USH2A: variants seen among roughly 807,000 people sequenced by gnomAD.
USH2A encodes the protein Usher syndrome 2A (autosomal recessive, mild).
Under a neutral mutation model 538.9 loss-of-function variants are expected in USH2A, and 443 were observed. The observed-to-expected ratio is 0.82, with a 90% CI of 0.76 to 0.89. The LOEUF (loss-of-function observed/expected upper bound fraction) is 0.89, where lower values mean the gene tolerates loss of function less well. USH2A is among the 40% of genes least tolerant of loss of function. The pLI, the probability that USH2A is intolerant of heterozygous loss-of-function variation, is 0.00. For missense variants in USH2A, 6,633 were observed against 6,324.8 expected (o/e 1.05, Z -1.65); for synonymous variants, 2,413 against 2,273.5 (o/e 1.06, Z -1.75).
rs564583897 is a variant in USH2A, at chr1:216,211,873, C to T, written c.3158-4442G>A. Among the ~76,000 whole-genome samples, 12 of 152,090 alleles carry T rather than the reference C, an allele frequency of 7.9e-5. No homozygotes were observed. The South Asian group carries it at 2.5e-3, about 32-fold the overall frequency. ...GGATTTTAATTTAGGGTTTTAAATCCTGTTGTTCTTGGTGGAGCCACAAAT... is the reference window on the plus strand; with the variant it reads ...GGATTTTAATTTAGGGTTTTAAATCTTGTTGTTCTTGGTGGAGCCACAAAT... On this transcript the variant is annotated intron_variant, in intron 15 of 71. Coordinates refer to ENST00000307340, the MANE Select transcript of USH2A (RefSeq NM_206933.4).
chr1:216,245,043 T>C (rs1250090039), intron 13 of USH2A, among the ~76,000 whole-genome samples: 4 of 152,208 alleles, frequency 2.6e-5, no homozygotes, highest in African/African-American at 9.6e-5. Flanking sequence ...GAGATATTGA[T>C]AAACACTAAA....
chr1:216,324,746 G>T (rs1475005147), intron 6 of USH2A, among the ~76,000 whole-genome samples: 1 of 151,910 alleles, frequency 6.6e-6, no homozygotes, highest in African/African-American at 2.4e-5. Flanking sequence ...CAAACATAAG[G>T]TCCTACATGT....
chr1:216,008,446 T>G (rs2102489872), intron 32 of USH2A, among the ~76,000 whole-genome samples: 1 of 152,144 alleles, frequency 6.6e-6, no homozygotes, highest in Middle Eastern at 3.4e-3. Flanking sequence ...CCTATCTCCC[T>G]TCGCTGACTC....
Position 215,782,812 on chromosome 1 carries a change from G to T in USH2A, c.10511C>A (p.Pro3504His). ...ATTGTCTATTTTGGTCCACGTAGGG[G>T]GACTCACTCCTTGAGGCACATCTTC... The part of the protein sequence containing the change: ...TKEDVPQGVS[P>H]PTWTKIDNLE... Residue 3504 changes from proline (P) to histidine (H), a missense_variant, in exon 53 of 72, where the codon CCC (proline) becomes CAC (histidine). Pro to His is a moderately conservative substitution (Grantham distance 77, BLOSUM62 -2). Transcript: ENST00000307340. 1.2e-6 allele frequency: 2 copies of T among 1,613,936 alleles called. No homozygotes were observed. The highest frequency in any genetic ancestry group is 8.5e-7 in the Non-Finnish European group (1 of 1,179,920).
At chr1:215,688,158 A>C (rs1426583394) in intron 61 of USH2A, among the ~76,000 whole-genome samples, 1 of 151,074 alleles carries the variant, frequency 6.6e-6, no homozygotes, top group Non-Finnish European at 1.5e-5. Flanking sequence ...GCAGAAAAAC[A>C]CCATCTGTGT....
intron 63 of USH2A, among the ~76,000 whole-genome samples, chr1:215,673,564 CA>C (rs1482340264): frequency 6.6e-6 from 1 of 152,156 alleles, no homozygotes; most frequent in Admixed American, 6.5e-5. Context: ...AGCAAAGTGG[CA>C]CTGTCCTGAG....
chr1:216,378,537 T>G (rs2038876735), intron 3 of USH2A, among the ~76,000 whole-genome samples: 1 of 152,170 alleles, frequency 6.6e-6, no homozygotes, highest in South Asian at 2.1e-4. Flanking sequence ...GTCTTTACTG[T>G]CAGATCTCAG....
At position 216,246,947 on chromosome 1, in the gene USH2A, ATGCACTGCCCTG is replaced by A. The variant is rs757082108; in HGVS notation, c.2435_2446del (p.Thr812_Cys815del). On this transcript the variant is annotated inframe_deletion, in exon 13 of 72. Coordinates refer to ENST00000307340, the MANE Select transcript of USH2A (RefSeq NM_206933.4). ...TCTCCCTTCAACATTGGGCTTGCAG[ATGCACTGCCCTG>A]TCTTAGCATTACAGACAGTCCCAGG... is the stretch of plus-strand genomic sequence containing the variant. 6 of 1,614,118 alleles carry A rather than the reference ATGCACTGCCCTG, an allele frequency of 3.7e-6. No homozygotes were observed. Among genetic ancestry groups the A allele is most frequent in the African/African-American group, 1.3e-5 (1 of 75,068 alleles).
intron 4 of USH2A, among the ~76,000 whole-genome samples, chr1:216,349,358 G>T (rs1052049860): frequency 1.3e-5 from 2 of 152,050 alleles, no homozygotes; most frequent in African/African-American, 4.8e-5. Flanking sequence ...TTTTGAACCA[G>T]AGCAACTCCA....
intron 11 of USH2A, among the ~76,000 whole-genome samples, chr1:216,280,031 A>G (rs538142631): frequency 1.6e-4 from 25 of 151,962 alleles, no homozygotes; most frequent in Non-Finnish European, 2.8e-4. Context: ...AGATGTATGC[A>G]CTTTAGGTGT....
intron 41 of USH2A, among the ~76,000 whole-genome samples, chr1:215,882,746 C>T (rs1664947803): frequency 6.6e-6 from 1 of 152,072 alleles, no homozygotes; most frequent in Non-Finnish European, 1.5e-5. Context: ...CTGGAACTTG[C>T]TTTTCAGACT....
At chr1:216,376,777 T>C (rs1025784428) in intron 3 of USH2A, among the ~76,000 whole-genome samples, 7 of 152,080 alleles carry the variant, frequency 4.6e-5, no homozygotes, top group African/African-American at 1.7e-4. Context: ...TAGACAGATA[T>C]ATAGAAAATC....
chr1:215,931,337 G>A (rs971056355), intron 38 of USH2A, among the ~76,000 whole-genome samples: 3 of 151,860 alleles, frequency 2.0e-5, no homozygotes, highest in African/African-American at 4.8e-5. Flanking sequence ...GATGTATCCT[G>A]GTAAAATTCT....
rs2102741324 is a variant in USH2A at position 215,758,720 on chromosome 1, C to A, written c.11264G>T (p.Gly3755Val). 1 of 1,613,926 alleles carries A rather than the reference C, an allele frequency of 6.2e-7. No individual in the cohort carries two copies. The highest frequency in any genetic ancestry group is 8.5e-7 in the Non-Finnish European group (1 of 1,179,960). Residue 3755 changes from glycine (G) to valine (V), a missense_variant, in exon 58 of 72, where the codon GGT (glycine) becomes GTT (valine). By Grantham distance (109) the Gly-to-Val change is moderately radical (BLOSUM62 -3). Transcript: ENST00000307340. ...GTAATCATCACTAGCACTGCTGCCA[C>A]CTCCAGTTTTGACTTCTAACTTGTA... ...YTYKLEVKTG[G>V]GSSASDDYIV...
chr1:215,844,619 G>T, intron 45 of USH2A, 123 bp from the exon 46 acceptor site: 1 of 994,892 alleles, frequency 1.0e-6, no homozygotes, highest in Non-Finnish European at 1.5e-6. Flanking sequence ...TTTCGCTGAT[G>T]AAGTTATCAC....
At chr1:216,032,637 G>A (rs967495692) in intron 32 of USH2A, among the ~76,000 whole-genome samples, 23 of 152,074 alleles carry the variant, frequency 1.5e-4, no homozygotes, top group African/African-American at 5.6e-4. Context: ...AACTAACTAC[G>A]AGCAATTTAA....
At chr1:215,787,066 A>G (rs1210735789) in intron 51 of USH2A, among the ~76,000 whole-genome samples, 192 bp from the exon 52 acceptor site, 2 of 152,212 alleles carry the variant, frequency 1.3e-5, no homozygotes, top group African/African-American at 4.8e-5. Context: ...GAAATGTCAC[A>G]AATTGGGATT....
chr1:215,878,275 G>A (rs1664825546), intron 42 of USH2A, among the ~76,000 whole-genome samples: 1 of 151,994 alleles, frequency 6.6e-6, no homozygotes, highest in Non-Finnish European at 1.5e-5. Context: ...TTGTATTCTT[G>A]GCCAAGTATC....
intron 21 of USH2A, among the ~76,000 whole-genome samples, chr1:216,170,703 T>G (rs2034260947): frequency 1.3e-5 from 2 of 152,106 alleles, no homozygotes; most frequent in African/African-American, 4.8e-5. Flanking sequence ...GGAATGCCAA[T>G]CTGAGCAGTA....
Sources: gnomAD v4.1 joint callset for allele counts (sites outside exome capture counted in the v4.1 genomes callset) on GRCh38, gnomAD v4.1.1 for gene constraint, MANE v1.5 for transcripts, NCBI Gene and HGNC (gene_info 2026-07-23, HGNC 2026-07-21) for gene names.